SLC24A3: variants seen among roughly 807,000 people sequenced by gnomAD.
SLC24A3 encodes the protein solute carrier family 24 member 3.
Under a neutral mutation model 75.8 loss-of-function variants are expected in SLC24A3, and 28 were observed. The ratio of observed to expected loss-of-function variants is 0.37; its 90% CI spans 0.27 to 0.51. SLC24A3 has a LOEUF of 0.51. SLC24A3 is among the 20% of genes least tolerant of loss of function. The pLI is 0.94. For missense variants in SLC24A3, 663 were observed against 847.8 expected (o/e 0.78, Z 2.71); for synonymous variants, 372 against 334.1 (o/e 1.11, Z -1.24).
intron 2 of SLC24A3, among the ~76,000 whole-genome samples, chr20:19,350,997 C>T (rs1441073644): frequency 6.6e-6 from 1 of 152,188 alleles, no homozygotes; most frequent in Non-Finnish European, 1.5e-5. Flanking sequence ...ATATTAATGC[C>T]CTGGCTTTCC....
chr20:19,431,796 C>G (rs1382882631), intron 2 of SLC24A3, among the ~76,000 whole-genome samples: 1 of 151,454 alleles, frequency 6.6e-6, no homozygotes, highest in Non-Finnish European at 1.5e-5. Flanking sequence ...TTGAGGAGTT[C>G]TCTCTCCATA....
chr20:19,597,972 C>A (rs6081674), intron 6 of SLC24A3, among the ~76,000 whole-genome samples: 1 of 151,936 alleles, frequency 6.6e-6, no homozygotes, highest in African/African-American at 2.4e-5. Flanking sequence ...CTCATCCATT[C>A]GTGGAGACTT....
chr20:19,497,385 G>T (rs543535526), intron 2 of SLC24A3, among the ~76,000 whole-genome samples: 2 of 152,268 alleles, frequency 1.3e-5, no homozygotes, highest in East Asian at 3.9e-4. Flanking sequence ...AATCCCAGAC[G>T]CTATGTCCTC....
At chr20:19,253,996 G>C (rs1485787569) in intron 1 of SLC24A3, among the ~76,000 whole-genome samples, 1 of 152,010 alleles carries the variant, frequency 6.6e-6, no homozygotes, top group African/African-American at 2.4e-5. Context: ...ACATGAGGTA[G>C]ACGTTCCCCT....
At chr20:19,504,719 A>AG (rs1600256917) in intron 2 of SLC24A3, among the ~76,000 whole-genome samples, 1 of 152,254 alleles carries the variant, frequency 6.6e-6, no homozygotes, top group African/African-American at 2.4e-5. Flanking sequence ...GTTGGCACCA[A>AG]GGGACACTTT....
chr20:19,454,796 A>G (rs1180889359), intron 2 of SLC24A3, among the ~76,000 whole-genome samples: 1 of 152,206 alleles, frequency 6.6e-6, no homozygotes, highest in Non-Finnish European at 1.5e-5. Flanking sequence ...TCCCTCATGT[A>G]AGTTCCCAGA....
At chr20:19,697,074 G>A (rs1033885951) in intron 14 of SLC24A3, among the ~76,000 whole-genome samples, 163 bp downstream of exon 14, 1 of 151,854 alleles carries the variant, frequency 6.6e-6, no homozygotes, top group East Asian at 1.9e-4. Flanking sequence ...AAGGAAGGAA[G>A]GGAGGAAGTC....
chr20:19,248,260 A>G (rs1433017222), intron 1 of SLC24A3, among the ~76,000 whole-genome samples: 2 of 152,192 alleles, frequency 1.3e-5, no homozygotes, highest in African/African-American at 4.8e-5. Flanking sequence ...TCTACTTTCA[A>G]AGAGAATTCT....
intron 2 of SLC24A3, among the ~76,000 whole-genome samples, chr20:19,292,939 T>C (rs572030059): frequency 6.6e-6 from 1 of 151,990 alleles, no homozygotes; most frequent in South Asian, 2.1e-4. Flanking sequence ...CCCTTTGGAG[T>C]CTCTTTTATA....
At chr20:19,685,507 A>G in intron 12 of SLC24A3, 146 bp downstream of exon 12, 1 of 1,350,732 alleles carries the variant, frequency 7.4e-7, no homozygotes, top group South Asian at 1.5e-5. Context: ...TCCTTTGGGC[A>G]GGACTTTGTT....
intron 1 of SLC24A3, among the ~76,000 whole-genome samples, chr20:19,244,933 G>A (rs1349212969): frequency 6.6e-6 from 1 of 152,298 alleles, no homozygotes; most frequent in East Asian, 1.9e-4. Flanking sequence ...GCCCATCTCA[G>A]TAAACAAGAA....
In SLC24A3 at chr20:19,704,292, A is replaced by G. The variant is rs1412631696; in HGVS notation, c.1719+5612A>G. ...AGTAGGGGGGCAAGCACAACAGCAA[A>G]AAGAATAGCTAGAATTCACTGAGCA... On this transcript the variant is annotated intron_variant, in intron 15 of 16. Transcript: ENST00000328041. 3.9e-5 allele frequency among the ~76,000 whole-genome samples: 6 copies of G among 152,168 alleles called. 1 individual carries two copies. The highest frequency in any genetic ancestry group is 1.3e-4 in the Admixed American group (2 of 15,274).
At chr20:19,443,765 A>G (rs1987333777) in intron 2 of SLC24A3, among the ~76,000 whole-genome samples, 1 of 152,198 alleles carries the variant, frequency 6.6e-6, no homozygotes, top group Admixed American at 6.5e-5. Context: ...TCTTAGGGGA[A>G]TAATACCTGG....
At chr20:19,571,458 G>C (rs923050879) in intron 3 of SLC24A3, among the ~76,000 whole-genome samples, 1 of 152,136 alleles carries the variant, frequency 6.6e-6, no homozygotes, top group East Asian at 1.9e-4. Context: ...GGAAGAGGGA[G>C]AGAGAGGAGA....
At chr20:19,420,730 C>T (rs867872301) in intron 2 of SLC24A3, among the ~76,000 whole-genome samples, 3 of 86,050 alleles carry the variant, frequency 3.5e-5, no homozygotes, top group Admixed American at 1.3e-4. Flanking sequence ...GAGCCCGCAT[C>T]GCCAAGTCAA....
intron 3 of SLC24A3, among the ~76,000 whole-genome samples, chr20:19,530,382 G>A (rs904667983): frequency 6.6e-6 from 1 of 152,188 alleles, no homozygotes; most frequent in Non-Finnish European, 1.5e-5. Flanking sequence ...TTGGGGTAAG[G>A]TGGTGATGGA....
intron 2 of SLC24A3, among the ~76,000 whole-genome samples, chr20:19,351,460 C>T (rs992436332): frequency 2.6e-5 from 4 of 152,214 alleles, no homozygotes; most frequent in African/African-American, 9.6e-5. Context: ...TCCCCAGCTT[C>T]TCCTTCCCTC....
At chr20:19,451,704 A>G (rs890466520) in intron 2 of SLC24A3, among the ~76,000 whole-genome samples, 21 of 152,224 alleles carry the variant, frequency 1.4e-4, no homozygotes, top group African/African-American at 4.6e-4. Context: ...TCAGCTGCCA[A>G]TAAATAACTT....
chr20:19,657,999 C>G (rs1417158584), intron 7 of SLC24A3, among the ~76,000 whole-genome samples: 1 of 152,120 alleles, frequency 6.6e-6, no homozygotes, highest in Non-Finnish European at 1.5e-5. Context: ...TTTTTCAAAC[C>G]ACTCTCCCTA....
Sources: allele counts gnomAD v4.1 joint callset (sites outside exome capture counted in the v4.1 genomes callset), GRCh38; gene constraint gnomAD v4.1.1; transcripts MANE v1.5; gene names NCBI Gene and HGNC (gene_info 2026-07-23, HGNC 2026-07-21).